Variants in PLEKHM3 observed in about 807,000 individuals in gnomAD.
PLEKHM3 encodes pleckstrin homology domain containing M3, also known as pleckstrin homology domain-containing family M member 3.
A neutral mutation model predicts 81.8 loss-of-function variants in PLEKHM3; 45 were observed. That is an observed-to-expected ratio of 0.55 (90% CI 0.43 to 0.71). The LOEUF (loss-of-function observed/expected upper bound fraction) is 0.71. Among genes scored for constraint, PLEKHM3 ranks in the 30% least tolerant of loss-of-function variants. PLEKHM3 has a pLI of 0.00. For synonymous variants in PLEKHM3, 352 were observed against 356.4 expected (o/e 0.99, Z 0.14); for missense variants, 788 against 924.3 (o/e 0.85, Z 1.91).
At position 207,825,146 on chromosome 2, in the gene PLEKHM3, G is replaced by T. The variant is rs1183462412; in HGVS notation, c.*3173C>A. 6.6e-6 allele frequency: 1 copy of T among 152,212 alleles called. No individual in the cohort carries two copies. The highest frequency in any genetic ancestry group is 1.5e-5 in the Non-Finnish European group (1 of 68,042). The allele number at this position is 152,212 out of a possible 1,614,324, so 9.4% of individuals were successfully genotyped here. On this transcript the variant is annotated 3_prime_UTR_variant, in exon 8 of 8. Coordinates refer to ENST00000427836, the MANE Select transcript of PLEKHM3 (RefSeq NM_001080475.3). ...AAAGAACACTACCCCCATTCCAGTT[G>T]ACGGCTTTTTAAGTACTTTGTGGCC...
chr2:208,013,860 A>G (rs1364791442), intron 1 of PLEKHM3, among the ~76,000 whole-genome samples: 1 of 152,252 alleles, frequency 6.6e-6, no homozygotes, highest in Non-Finnish European at 1.5e-5. Flanking sequence ...CTTATGGCTT[A>G]GCACACTCTC....
chr2:207,976,628 T>C lies in PLEKHM3; in HGVS notation c.1546+23A>G, dbSNP rs781712112. ...TTCAGGATTGTTCTTTAATGAGCTA[T>C]AGGCTGAAAATCTGCTTCATACCTG... On this transcript the variant is annotated intron_variant, in intron 3 of 7. Coordinates refer to ENST00000427836, the MANE Select transcript of PLEKHM3 (RefSeq NM_001080475.3). The surrounding 1 kb of genome is among the most constrained non-coding windows in gnomAD (Gnocchi z 4.1). The C allele has an allele frequency of 5.6e-6, 9 of 1,597,692 alleles. No homozygotes were observed. The highest frequency in any genetic ancestry group is 2.2e-5 in the East Asian group (1 of 44,840).
intron 6 of PLEKHM3, chr2:207,870,052 C>CAGCT (rs1278828541): frequency 6.6e-6 from 1 of 152,186 alleles, no homozygotes; most frequent in African/African-American, 2.4e-5. Flanking sequence ...GTTTCAGAAA[C>CAGCT]AGCTGCTTAT....
intron 2 of PLEKHM3, among the ~76,000 whole-genome samples, chr2:207,982,433 T>C (rs1461461429): frequency 2.0e-5 from 3 of 152,020 alleles, no homozygotes; most frequent in Non-Finnish European, 2.9e-5. Flanking sequence ...CCACACCTGG[T>C]TCATTTTTTA....
intron 7 of PLEKHM3, among the ~76,000 whole-genome samples, chr2:207,850,927 G>A (rs2092408696): frequency 6.6e-6 from 1 of 152,084 alleles, no homozygotes; most frequent in South Asian, 2.1e-4. Context: ...GGCCAAGGCG[G>A]GTGGACCACG....
chr2:208,019,390 C>T (rs1460059030), intron 1 of PLEKHM3, among the ~76,000 whole-genome samples: 1 of 152,054 alleles, frequency 6.6e-6, no homozygotes, highest in East Asian at 1.9e-4. Flanking sequence ...CCACCACCAT[C>T]ACCCTCATCT....
chr2:207,976,750 T>G lies in PLEKHM3; in HGVS notation c.1447A>C (p.Arg483=), dbSNP rs1691323981. 4.3e-6 allele frequency: 7 copies of G among 1,614,244 alleles called. No homozygotes were observed. The East Asian group carries it at 1.3e-4, about 31-fold the overall frequency. ...GTCACAGATTGGCGTTTGTTCTTCCTGAGTTCATGCCCACCCATTTGATCC... is the reference window on the plus strand; with the variant it reads ...GTCACAGATTGGCGTTTGTTCTTCCGGAGTTCATGCCCACCCATTTGATCC... The part of the protein sequence containing the change: ...PKDQMGGHEL[R]KNKRQSVTTS... The change falls in exon 3 of 8, where the codon AGG becomes CGG. Residue 483 remains arginine, a synonymous_variant. Coordinates refer to ENST00000427836, the MANE Select transcript of PLEKHM3 (RefSeq NM_001080475.3). This position sits in a 1 kb window ranked among gnomAD's most constrained non-coding sequence, Gnocchi z 4.1.
intron 6 of PLEKHM3, among the ~76,000 whole-genome samples, chr2:207,897,532 T>G (rs534254559): frequency 1.3e-5 from 2 of 152,314 alleles, no homozygotes; most frequent in African/African-American, 4.8e-5. Flanking sequence ...ATGAAGTGCT[T>G]AAGGCACAAA....
At chr2:207,999,740 G>C (rs1692234942) in intron 2 of PLEKHM3, among the ~76,000 whole-genome samples, 1 of 152,222 alleles carries the variant, frequency 6.6e-6, no homozygotes, top group Admixed American at 6.5e-5. Context: ...TCATGAATTA[G>C]AGTGGAAAAG....
chr2:207,859,604 GT>G (rs796755920), intron 7 of PLEKHM3, among the ~76,000 whole-genome samples: 54 of 137,938 alleles, frequency 3.9e-4, no homozygotes, highest in Admixed American at 5.0e-4. Flanking sequence ...TGTGCATTTT[GT>G]TTTTTTTTTT....
At chr2:207,875,725 C>A (rs1437875254) in intron 6 of PLEKHM3, among the ~76,000 whole-genome samples, 3 of 152,120 alleles carry the variant, frequency 2.0e-5, no homozygotes, top group Non-Finnish European at 4.4e-5. Flanking sequence ...GTAGTCTCAG[C>A]TACTTAGGAG....
chr2:207,986,141 G>A lies in PLEKHM3; in HGVS notation c.611-8555C>T, dbSNP rs201972567. 2.0e-5 allele frequency among the ~76,000 whole-genome samples: 3 copies of A among 152,304 alleles called. No homozygotes were observed. In the East Asian group the frequency reaches 5.8e-4, roughly 29 times the overall value. ...AGATCAGGCAATAGTTGGAATGAAA[G>A]ACAAAGTGCAACATTTTAATGTTTT... is the stretch of plus-strand genomic sequence containing the variant. On this transcript the variant is annotated intron_variant, in intron 2 of 7. Coordinates refer to ENST00000427836, the MANE Select transcript of PLEKHM3 (RefSeq NM_001080475.3).
At position 207,821,615 on chromosome 2, in the gene PLEKHM3, A is replaced by G. The variant is rs1175665840; in HGVS notation, c.*6704T>C. On this transcript the variant is annotated 3_prime_UTR_variant, in exon 8 of 8. Coordinates refer to ENST00000427836, the MANE Select transcript of PLEKHM3 (RefSeq NM_001080475.3). ...TCATTTCTGTACTGTGTGAGCAGAT[A>G]TAAGAAAAAATGGCATAGACCTGAC... The G allele has an allele frequency of 6.6e-6, 1 of 152,218 alleles. No individual in the cohort carries two copies. Among genetic ancestry groups the G allele is most frequent in the Non-Finnish European group, 1.5e-5 (1 of 68,050 alleles). The allele number at this position is 152,218 out of a possible 1,614,324, so 9.4% of individuals were successfully genotyped here. A position where few individuals can be genotyped will look rare whatever the true frequency, so the allele number is the denominator to read the frequency against.
intron 7 of PLEKHM3, among the ~76,000 whole-genome samples, chr2:207,853,050 A>G (rs1379148918): frequency 6.6e-6 from 1 of 152,106 alleles, no homozygotes; most frequent in East Asian, 1.9e-4. Context: ...TGTCCCTAAT[A>G]AACTCAACTA....
intron 5 of PLEKHM3, 109 bp downstream of exon 5, chr2:207,930,816 CA>C (rs917836085): frequency 1.5e-6 from 2 of 1,297,244 alleles, no homozygotes; most frequent in African/African-American, 3.0e-5. Context: ...GGGCGAGCCA[CA>C]AAATTAGAGG....
chr2:207,841,311 A>G (rs536626133), intron 7 of PLEKHM3, among the ~76,000 whole-genome samples: 31 of 151,372 alleles, frequency 2.0e-4, no homozygotes, highest in African/African-American at 6.5e-4. Flanking sequence ...CTAAAAATAC[A>G]AAAATCAGCC....
At chr2:207,834,202 TC>T (rs2092304607) in intron 7 of PLEKHM3, among the ~76,000 whole-genome samples, 4 of 151,082 alleles carry the variant, frequency 2.6e-5, no homozygotes, top group Non-Finnish European at 4.4e-5. Context: ...CGATCTCAGC[TC>T]ACCACAATCT....
chr2:208,001,826 T>A lies in PLEKHM3; in HGVS notation c.-187A>T. ...TGTTTTCCTGGTAATTAAAAGCATT[T>A]GCTAGTGGCTAATGGGCATTAACAG... On this transcript the variant is annotated 5_prime_UTR_variant, in exon 2 of 8. Coordinates refer to ENST00000427836, the MANE Select transcript of PLEKHM3 (RefSeq NM_001080475.3). 5 of 880,258 alleles carry A rather than the reference T, an allele frequency of 5.7e-6. No individual in the cohort carries two copies. Among genetic ancestry groups the A allele is most frequent in the Non-Finnish European group, 6.7e-6 (4 of 593,418 alleles). 54.5% of individuals were successfully genotyped at this position (880,258 alleles called of 1,614,324 possible). A position where few individuals can be genotyped will look rare whatever the true frequency, so the allele number is the denominator to read the frequency against.
intron 5 of PLEKHM3, among the ~76,000 whole-genome samples, chr2:207,921,464 GT>G (rs1559237507): frequency 1.1e-4 from 17 of 152,214 alleles, no homozygotes; most frequent in African/African-American, 3.4e-4. Flanking sequence ...TCAAATCAGG[GT>G]AATTAGCACA....
Sources: allele counts gnomAD v4.1 joint callset (sites outside exome capture counted in the v4.1 genomes callset), GRCh38; gene constraint gnomAD v4.1.1; non-coding constraint Gnocchi (gnomAD v3.1); transcripts MANE v1.5; gene names NCBI Gene and HGNC (gene_info 2026-07-23, HGNC 2026-07-21).